The following DNER variants were observed in gnomAD, a reference collection of about 807,000 sequenced individuals.
The protein encoded by DNER is delta and Notch-like epidermal growth factor-related receptor.
In DNER, 33 loss-of-function variants were observed where a neutral mutation model predicts 78.2. The ratio of observed to expected loss-of-function variants is 0.42; its 90% CI spans 0.32 to 0.56. The LOEUF is 0.56. Ranked by LOEUF, DNER falls within the 20% of genes least tolerant of loss-of-function variation. The probability of loss-of-function intolerance (pLI) is 0.11; values close to 1 mark genes in which losing one functional copy is unlikely to be tolerated. For missense variants in DNER, 918 were observed against 975.3 expected (o/e 0.94, Z 0.78); for synonymous variants, 417 against 384.8 (o/e 1.08, Z -0.98).
chr2:229,463,859 A>G (rs570512779), intron 7 of DNER, among the ~76,000 whole-genome samples: 6 of 152,314 alleles, frequency 3.9e-5, no homozygotes, highest in Admixed American at 3.3e-4. Context: ...GACATATTTG[A>G]GATAATGAGA....
chr2:229,533,296 A>C (rs889000576), intron 5 of DNER, among the ~76,000 whole-genome samples: 11 of 152,190 alleles, frequency 7.2e-5, no homozygotes, highest in Non-Finnish European at 1.6e-4. Flanking sequence ...CCATGAGGTC[A>C]AAATGATTTT....
intron 5 of DNER, among the ~76,000 whole-genome samples, chr2:229,543,165 AG>A (rs758727843): frequency 3.4e-5 from 4 of 118,908 alleles, no homozygotes; most frequent in African/African-American, 1.0e-4. Flanking sequence ...TAAAAAAAAA[AG>A]AAGAAGAAGA....
intron 1 of DNER, among the ~76,000 whole-genome samples, chr2:229,708,438 G>A (rs564070695): frequency 1.3e-5 from 2 of 152,202 alleles, no homozygotes; most frequent in African/African-American, 4.8e-5. Flanking sequence ...ACTAATGTGG[G>A]GAAGCAGAGG....
chr2:229,479,714 A>C (rs1695113820), intron 6 of DNER, among the ~76,000 whole-genome samples: 1 of 142,512 alleles, frequency 7.0e-6, no homozygotes, highest in South Asian at 2.4e-4. Flanking sequence ...CTTTGTCTCA[A>C]AAAAAAAAAA....
intron 8 of DNER, among the ~76,000 whole-genome samples, chr2:229,428,074 CAAAAAAAAAAA>C (rs11358575): frequency 2.1e-5 from 2 of 93,198 alleles, no homozygotes; most frequent in African/African-American, 8.6e-5. Flanking sequence ...GATTCCATCT[CAAAAAAAAAAA>C]AAAAAAAGAG....
chr2:229,457,699 C>T (rs913942979), intron 7 of DNER, among the ~76,000 whole-genome samples: 25 of 150,214 alleles, frequency 1.7e-4, no homozygotes, highest in African/African-American at 5.9e-4. Flanking sequence ...GACTTAGATC[C>T]AATCATATCA....
At chr2:229,493,238 G>A (rs1023946293) in intron 6 of DNER, among the ~76,000 whole-genome samples, 1 of 152,156 alleles carries the variant, frequency 6.6e-6, no homozygotes, top group African/African-American at 2.4e-5. Context: ...CAATTAGTAG[G>A]AACAATGTAG....
At chr2:229,584,451 C>T (rs1697460485) in intron 4 of DNER, among the ~76,000 whole-genome samples, 1 of 152,088 alleles carries the variant, frequency 6.6e-6, no homozygotes, top group Non-Finnish European at 1.5e-5. Flanking sequence ...CACGAAGGCA[C>T]CAGAGTTCCA....
rs991877825 is a variant in DNER, at chr2:229,546,940, C to T, written c.993+7G>A. On this transcript the variant is annotated splice_region_variant and intron_variant, in intron 5 of 12. Coordinates refer to ENST00000341772, the MANE Select transcript of DNER (RefSeq NM_139072.4). ...GTGTATTTACAAGCTACCAGGCATC[C>T]CCTTACCTCTGACGGCTTCGTGGTG... is the stretch of plus-strand genomic sequence containing the variant. 3 of 1,613,998 alleles carry T rather than the reference C, an allele frequency of 1.9e-6. No individual in the cohort carries two copies. Among genetic ancestry groups the T allele is most frequent in the Non-Finnish European group, 2.5e-6 (3 of 1,179,976 alleles).
In DNER at chr2:229,581,210, G is replaced by A. The variant is rs1241277337; in HGVS notation, c.847+4648C>T. On this transcript the variant is annotated intron_variant, in intron 4 of 12. Transcript: ENST00000341772. ...CTGGTTTGGCTCTCACCCTGAGATCGGCCATCACATCTAAGCAACAGCAAG... is the reference window on the plus strand; with the variant it reads ...CTGGTTTGGCTCTCACCCTGAGATCAGCCATCACATCTAAGCAACAGCAAG... Among the ~76,000 whole-genome samples the A allele has an allele frequency of 1.3e-5, 2 of 152,064 alleles. 1 individual carries two copies. The highest frequency in any genetic ancestry group is 2.9e-5 in the Non-Finnish European group (2 of 68,004).
At chr2:229,374,361 C>G (rs1216803275) in intron 11 of DNER, among the ~76,000 whole-genome samples, 1 of 152,160 alleles carries the variant, frequency 6.6e-6, no homozygotes, top group Non-Finnish European at 1.5e-5. Context: ...CAGGTAAAAA[C>G]CTGCACATGT....
chr2:229,690,424 C>A (rs1326187663), intron 1 of DNER, among the ~76,000 whole-genome samples: 7 of 152,164 alleles, frequency 4.6e-5, no homozygotes, highest in Non-Finnish European at 8.8e-5. Context: ...AGCATGTTTT[C>A]CCGTCTAGTT....
chr2:229,668,516 A>ATGTGTGTG lies in DNER; in HGVS notation c.276+45624_276+45631dup, dbSNP rs60983481. Among the ~76,000 whole-genome samples the ATGTGTGTG allele has an allele frequency of 2.5e-3, 149 of 59,974 alleles. 2 individuals carry two copies. Among genetic ancestry groups the ATGTGTGTG allele is most frequent in the African/African-American group, 0.013 (141 of 11,152 alleles). The allele number at this position is 59,974 out of a possible 152,430, so 39.3% of individuals were successfully genotyped here. Reference sequence around the variant, plus strand: ...TATACTTACCTATATATAGGTAAGTATGTGTGTGTGTGTGTGTGTGTATAT... The same window carrying ATGTGTGTG: ...TATACTTACCTATATATAGGTAAGTATGTGTGTGTGTGTGTGTGTGTGTGTGTGTATAT... On this transcript the variant is annotated intron_variant, in intron 1 of 12. Coordinates refer to ENST00000341772, the MANE Select transcript of DNER (RefSeq NM_139072.4).
At chr2:229,558,732 C>A (rs1419720773) in intron 4 of DNER, among the ~76,000 whole-genome samples, 1 of 152,118 alleles carries the variant, frequency 6.6e-6, no homozygotes, top group Non-Finnish European at 1.5e-5. Context: ...ATTCAACATT[C>A]AGCAGATGTT....
At chr2:229,663,910 C>G (rs1699048415) in intron 1 of DNER, among the ~76,000 whole-genome samples, 1 of 152,120 alleles carries the variant, frequency 6.6e-6, no homozygotes, top group South Asian at 2.1e-4. Flanking sequence ...TCTCTGCAGC[C>G]TCCACCTCCT....
chr2:229,397,271 CTCTGAGTTT>C (rs1693166426), intron 10 of DNER, among the ~76,000 whole-genome samples: 1 of 152,002 alleles, frequency 6.6e-6, no homozygotes. Context: ...ATTGTGAGCT[CTCTGAGTTT>C]TCTTTTGACC....
At chr2:229,647,430 A>G (rs1234840936) in intron 1 of DNER, among the ~76,000 whole-genome samples, 1 of 152,266 alleles carries the variant, frequency 6.6e-6, no homozygotes, top group Non-Finnish European at 1.5e-5. Context: ...TTTTGAGAAT[A>G]TTCACATCAT....
At chr2:229,613,868 G>A (rs1698097261) in intron 1 of DNER, among the ~76,000 whole-genome samples, 1 of 152,034 alleles carries the variant, frequency 6.6e-6, no homozygotes, top group Non-Finnish European at 1.5e-5. Context: ...CTTCATAACT[G>A]TTGAGTTTTA....
chr2:229,712,629 G>A (rs116769584), intron 1 of DNER, among the ~76,000 whole-genome samples: 2,488 of 152,310 alleles, frequency 0.016, 35 homozygotes, highest in Middle Eastern at 0.054. Flanking sequence ...GAAAATTAGC[G>A]TGAGTGCATT....
Sources: gnomAD v4.1 joint callset for allele counts (sites outside exome capture counted in the v4.1 genomes callset) on GRCh38, gnomAD v4.1.1 for gene constraint, MANE v1.5 for transcripts, NCBI Gene and HGNC (gene_info 2026-07-23, HGNC 2026-07-21) for gene names.